ARMH4: variants seen among roughly 807,000 people sequenced by gnomAD.
ARMH4 encodes the protein armadillo-like helical domain-containing protein 4.
Under a neutral mutation model 61.9 loss-of-function variants are expected in ARMH4, and 49 were observed. The observed-to-expected ratio is 0.79, with a 90% confidence interval of 0.63 to 1.00. ARMH4 has a LOEUF of 1.00. ARMH4 is among the 50% of genes least tolerant of loss of function. The pLI is 0.00. For synonymous variants in ARMH4, 368 were observed against 341.5 expected, an observed-to-expected ratio of 1.08 and a Z score of -0.85; for missense variants, 934 against 930.0, an observed-to-expected ratio of 1.00 and a Z score of -0.06.
intron 2 of ARMH4, 36 bp from the exon 3 acceptor site, chr14:58,133,377 T>C (rs1173362418): frequency 7.1e-6 from 10 of 1,402,766 alleles, no homozygotes; most frequent in East Asian, 3.0e-5. Context: ...ATAGACCAAA[T>C]CCCTATTTTT....
chr14:58,118,725 G>T (rs368827171), intron 4 of ARMH4, among the ~76,000 whole-genome samples: 1 of 152,068 alleles, frequency 6.6e-6, no homozygotes, highest in African/African-American at 2.4e-5. Context: ...TGTACCAGAC[G>T]AACCTAATTC....
At chr14:58,072,871 G>C (rs1884929441) in intron 5 of ARMH4, among the ~76,000 whole-genome samples, 1 of 152,174 alleles carries the variant, frequency 6.6e-6, no homozygotes, top group African/African-American at 2.4e-5. Context: ...ATGTCACCCT[G>C]TCATCATGCA....
rs149131250 is a variant in ARMH4, at chr14:58,127,166, C to T, written c.1831+4346G>A. 3.0e-4 allele frequency among the ~76,000 whole-genome samples: 45 copies of T among 152,210 alleles called. 2 individuals carry two copies. The East Asian group carries it at 7.5e-3, about 25-fold the overall frequency. On this transcript the variant is annotated intron_variant, in intron 4 of 7. Coordinates refer to ENST00000267485, the MANE Select transcript of ARMH4 (RefSeq NM_001001872.4). ...TTTGTTTCATAAGGTCTATAATAAGCGGGCCTTTTGAAACAAATGAGGAAA... is the reference window on the plus strand; with the variant it reads ...TTTGTTTCATAAGGTCTATAATAAGTGGGCCTTTTGAAACAAATGAGGAAA...
chr14:58,128,949 C>G (rs1886993210), intron 4 of ARMH4, among the ~76,000 whole-genome samples: 1 of 152,206 alleles, frequency 6.6e-6, no homozygotes, highest in Admixed American at 6.5e-5. Context: ...AACTTGAGCA[C>G]AGAGACACAG....
intron 4 of ARMH4, among the ~76,000 whole-genome samples, chr14:58,130,990 T>C (rs2139955248): frequency 6.6e-6 from 1 of 152,286 alleles, no homozygotes; most frequent in East Asian, 1.9e-4. Context: ...TGGAGAGTGA[T>C]TCAGGCACTG....
intron 5 of ARMH4, among the ~76,000 whole-genome samples, chr14:58,091,407 G>T (rs1885560905): frequency 6.6e-6 from 1 of 152,134 alleles, no homozygotes; most frequent in Non-Finnish European, 1.5e-5. Flanking sequence ...GACAACTGGG[G>T]TTCTGCATCA....
intron 1 of ARMH4, among the ~76,000 whole-genome samples, chr14:58,140,622 C>T (rs1887509163): frequency 6.6e-6 from 1 of 151,098 alleles, no homozygotes; most frequent in East Asian, 1.9e-4. Flanking sequence ...AAAAGAGGGC[C>T]GGGTGCAGTG....
At chr14:58,093,546 T>C (rs370326177) in intron 5 of ARMH4, among the ~76,000 whole-genome samples, 1 of 152,200 alleles carries the variant, frequency 6.6e-6, no homozygotes, top group Non-Finnish European at 1.5e-5. Flanking sequence ...TGTAGGGTAA[T>C]TTATTCACAG....
intron 5 of ARMH4, among the ~76,000 whole-genome samples, chr14:58,070,552 T>C (rs1884850727): frequency 1.3e-5 from 2 of 152,222 alleles, no homozygotes; most frequent in African/African-American, 4.8e-5. Flanking sequence ...TTCAATTTCC[T>C]GGACATAAAA....
Position 58,139,285 on chromosome 14 carries a change from C to T in ARMH4, c.74G>A (p.Cys25Tyr), listed in dbSNP as rs1887448570. The T allele has an allele frequency of 6.2e-7, 1 of 1,614,130 alleles. No homozygotes were observed. Among genetic ancestry groups the T allele is most frequent in the Non-Finnish European group, 8.5e-7 (1 of 1,180,032 alleles). The change falls in exon 2 of 8, where the codon TGT (cysteine) becomes TAT (tyrosine). Residue 25 changes from cysteine to tyrosine, a missense_variant. Physicochemically the swap from Cys to Tyr is radical, Grantham distance 194 (BLOSUM62 -2). Transcript: ENST00000267485. ...CCTTTCTATTTTGGGGAAGGCCAGACATTGTGTGGCAACGCTGAAAAGCAG... is the reference window on the plus strand; with the variant it reads ...CCTTTCTATTTTGGGGAAGGCCAGATATTGTGTGGCAACGCTGAAAAGCAG... ...SLLLFSVATQ[C>Y]LAFPKIERRR...
rs879122239 is a variant in ARMH4, at chr14:58,002,208, T to C, written c.*2528A>G. The stretch of plus-strand genomic sequence containing the variant: ...ATATGACAACCTTTTCTGATCCTCT[T>C]AATAATCTAAGCCAACCACTGAAAA... On this transcript the variant is annotated 3_prime_UTR_variant, in exon 8 of 8. Transcript: ENST00000267485. 4 of 152,142 alleles carry C rather than the reference T, an allele frequency of 2.6e-5. No homozygotes were observed. Among genetic ancestry groups the C allele is most frequent in the Non-Finnish European group, 4.4e-5 (3 of 68,032 alleles). The allele number at this position is 152,142 out of a possible 1,614,324, so 9.4% of individuals were successfully genotyped here.
chr14:58,076,136 G>A (rs994521283), intron 5 of ARMH4, among the ~76,000 whole-genome samples: 39 of 152,060 alleles, frequency 2.6e-4, no homozygotes, highest in African/African-American at 9.2e-4. Context: ...GGAGGAGGCA[G>A]CGGCGGCAAC....
chr14:58,140,205 G>A (rs1277770041), intron 1 of ARMH4, among the ~76,000 whole-genome samples: 2 of 150,768 alleles, frequency 1.3e-5, no homozygotes, highest in African/African-American at 4.9e-5. Context: ...AACCCGGAAG[G>A]CAGAGGATGC....
In ARMH4 at chr14:58,139,255, C is replaced by T. The variant is rs758696601; in HGVS notation, c.104G>A (p.Arg35Lys). 14 of 1,614,026 alleles carry T rather than the reference C, an allele frequency of 8.7e-6. No homozygotes were observed. Among genetic ancestry groups the T allele is most frequent in the Non-Finnish European group, 1.2e-5 (14 of 1,180,034 alleles). ...CLAFPKIERR[R>K]EIAHVHAEKG... ...TTCCGCATGAACATGTGCTATCTCC[C>T]TCCTCCTTTCTATTTTGGGGAAGGC... is the stretch of plus-strand genomic sequence containing the variant. The change falls in exon 2 of 8, where the codon AGG becomes AAG. Residue 35 changes from arginine (R) to lysine (K), a missense_variant. Physicochemically the swap from Arg to Lys is conservative, Grantham distance 26. Coordinates refer to ENST00000267485, the MANE Select transcript of ARMH4 (RefSeq NM_001001872.4).
chr14:58,098,480 C>T (rs1416499005), intron 4 of ARMH4, among the ~76,000 whole-genome samples: 1 of 152,218 alleles, frequency 6.6e-6, no homozygotes, highest in African/African-American at 2.4e-5. Context: ...CTCATTAAAA[C>T]TGGCAAGAAG....
chr14:58,140,139 G>T (rs1474007304), intron 1 of ARMH4, among the ~76,000 whole-genome samples: 1 of 150,190 alleles, frequency 6.7e-6, no homozygotes, highest in Non-Finnish European at 1.5e-5. Flanking sequence ...AGTGGGAGTG[G>T]GCGTAGGCAC....
intron 1 of ARMH4, among the ~76,000 whole-genome samples, chr14:58,145,456 A>G (rs1311188810): frequency 6.6e-6 from 1 of 152,224 alleles, no homozygotes; most frequent in Non-Finnish European, 1.5e-5. Flanking sequence ...TTTATGTGCT[A>G]TGTGTATGTT....
In ARMH4 at chr14:58,097,360, A is replaced by G. The variant is rs575099004; in HGVS notation, c.1832-379T>C. Among the ~76,000 whole-genome samples the G allele has an allele frequency of 6.7e-4, 102 of 152,334 alleles. No homozygotes were observed. In the South Asian group the frequency reaches 0.018, roughly 27 times the overall value. ...GTGAAATACTAACAGAACTTAAAAG[A>G]AGCTGTTCCCATCCCTTTATAGCTC... On this transcript the variant is annotated intron_variant, in intron 4 of 7. Coordinates refer to ENST00000267485, the MANE Select transcript of ARMH4 (RefSeq NM_001001872.4).
chr14:58,096,415 T>C (rs1885750036), intron 5 of ARMH4, among the ~76,000 whole-genome samples: 2 of 152,192 alleles, frequency 1.3e-5, no homozygotes, highest in Admixed American at 6.5e-5. Context: ...AAGGAAAAAC[T>C]GAATTTCTTC....
Sources: allele counts gnomAD v4.1 joint callset (sites outside exome capture counted in the v4.1 genomes callset), GRCh38; gene constraint gnomAD v4.1.1; transcripts MANE v1.5; gene names NCBI Gene and HGNC (gene_info 2026-07-23, HGNC 2026-07-21).